Variants in CHN2 observed in about 807,000 individuals in gnomAD.
The protein encoded by CHN2 is beta-chimaerin.
In CHN2, 35 loss-of-function variants were observed where a neutral mutation model predicts 56.3. That is an observed-to-expected ratio of 0.62 (90% CI 0.47 to 0.82). The LOEUF (loss-of-function observed/expected upper bound fraction) is 0.82, where lower values mean the gene tolerates loss of function less well. CHN2 is among the 40% of genes least tolerant of loss of function. The probability of loss-of-function intolerance (pLI) is 0.00; values close to 1 mark genes in which losing one functional copy is unlikely to be tolerated. For missense variants in CHN2, 491 were observed against 580.5 expected, an observed-to-expected ratio of 0.85 and a Z score of 1.58; for synonymous variants, 210 against 212.8, an observed-to-expected ratio of 0.99 and a Z score of 0.12.
chr7:29,179,923 T>C (rs1797850899), intron 2 of CHN2, among the ~76,000 whole-genome samples: 1 of 152,234 alleles, frequency 6.6e-6, no homozygotes, highest in African/African-American at 2.4e-5. Flanking sequence ...TTTGAAAGCA[T>C]TAAGATAACT....
chr7:29,357,973 G>A (rs573645857), intron 2 of CHN2, among the ~76,000 whole-genome samples: 1 of 152,150 alleles, frequency 6.6e-6, no homozygotes, highest in African/African-American at 2.4e-5. Context: ...ATTATATCAT[G>A]TATGGATTCC....
At chr7:29,334,316 G>T (rs1275468239) in intron 1 of CHN2, among the ~76,000 whole-genome samples, 1 of 152,044 alleles carries the variant, frequency 6.6e-6, no homozygotes, top group African/African-American at 2.4e-5. Context: ...CTCCCAAAGT[G>T]CTGGGAGCCT....
At chr7:29,285,529 C>T (rs1310494231) in intron 1 of CHN2, among the ~76,000 whole-genome samples, 1 of 152,218 alleles carries the variant, frequency 6.6e-6, no homozygotes, top group African/African-American at 2.4e-5. Context: ...TATTCTGTTT[C>T]CATGAATGCA....
intron 6 of CHN2, among the ~76,000 whole-genome samples, chr7:29,432,620 AC>A (rs2128115968): frequency 6.6e-6 from 1 of 152,352 alleles, no homozygotes; most frequent in Non-Finnish European, 1.5e-5. Flanking sequence ...ATTAGTAAAT[AC>A]ATATGGAAAT....
At chr7:29,207,940 A>G (rs1324464496) in intron 1 of CHN2, among the ~76,000 whole-genome samples, 1 of 152,210 alleles carries the variant, frequency 6.6e-6, no homozygotes, top group Non-Finnish European at 1.5e-5. Flanking sequence ...ATTTGATCAG[A>G]TCACATGGAA....
chr7:29,473,695 T>C (rs1375866572), intron 6 of CHN2, among the ~76,000 whole-genome samples: 1 of 151,956 alleles, frequency 6.6e-6, no homozygotes, highest in Non-Finnish European at 1.5e-5. Flanking sequence ...TAAGAAGCCC[T>C]CCGGGGGTTC....
chr7:29,178,878 G>T (rs1456209355), intron 2 of CHN2, among the ~76,000 whole-genome samples: 3 of 152,130 alleles, frequency 2.0e-5, no homozygotes, highest in Admixed American at 1.3e-4. Flanking sequence ...ACCAATCAAA[G>T]GTTAACTACT....
At chr7:29,394,333 C>G (rs1167281898) in intron 4 of CHN2, among the ~76,000 whole-genome samples, 1 of 152,182 alleles carries the variant, frequency 6.6e-6, no homozygotes, top group Admixed American at 6.5e-5. Context: ...GTGTGTACAG[C>G]ACAACACAGA....
chr7:29,345,445 G>T (rs974274768), intron 1 of CHN2, among the ~76,000 whole-genome samples: 3 of 152,170 alleles, frequency 2.0e-5, no homozygotes, highest in African/African-American at 4.8e-5. Context: ...TGAGGAGCCA[G>T]AGCATTTACG....
chr7:29,310,591 A>T (rs1794525673), intron 1 of CHN2, among the ~76,000 whole-genome samples: 1 of 152,264 alleles, frequency 6.6e-6, no homozygotes, highest in Non-Finnish European at 1.5e-5. Context: ...TTTAAAAATT[A>T]GATGACTGTC....
intron 1 of CHN2, chr7:29,292,728 T>C: frequency 2.9e-6 from 1 of 339,362 alleles, no homozygotes; most frequent in South Asian, 2.3e-5. Context: ...TTGGTTTTGT[T>C]GTATTGGTTT....
intron 1 of CHN2, among the ~76,000 whole-genome samples, chr7:29,252,149 T>C (rs1444830552): frequency 6.6e-6 from 1 of 151,894 alleles, no homozygotes; most frequent in East Asian, 1.9e-4. Context: ...ATTATGCAAA[T>C]TGGGCATAAT....
intron 6 of CHN2, among the ~76,000 whole-genome samples, chr7:29,471,806 TG>T (rs1237065490): frequency 2.6e-5 from 4 of 152,120 alleles, no homozygotes; most frequent in African/African-American, 9.7e-5. Flanking sequence ...GATGCTTAAA[TG>T]GCCTCAAATA....
intron 1 of CHN2, among the ~76,000 whole-genome samples, chr7:29,324,937 A>G (rs1201405712): frequency 6.6e-6 from 1 of 152,182 alleles, no homozygotes; most frequent in East Asian, 1.9e-4. Flanking sequence ...TTGTAACTCT[A>G]TAATTGTCAA....
chr7:29,323,331 T>C (rs1215695390), intron 1 of CHN2, among the ~76,000 whole-genome samples: 8 of 152,138 alleles, frequency 5.3e-5, no homozygotes, highest in African/African-American at 1.9e-4. Flanking sequence ...GTGTCTTACA[T>C]GATGAGGTTT....
intron 6 of CHN2, among the ~76,000 whole-genome samples, chr7:29,463,631 G>A (rs1785339848): frequency 6.6e-6 from 1 of 152,198 alleles, no homozygotes; most frequent in South Asian, 2.1e-4. Flanking sequence ...AGAAAATAAG[G>A]TGGGTGGATA....
At chr7:29,232,165 G>A (rs866021483) in intron 1 of CHN2, among the ~76,000 whole-genome samples, 3 of 152,130 alleles carry the variant, frequency 2.0e-5, no homozygotes, top group Non-Finnish European at 2.9e-5. Flanking sequence ...AACCTAGGAC[G>A]TTTTATGAGG....
chr7:29,146,843 C>G (rs1226542209), intron 1 of CHN2: 2 of 1,550,946 alleles, frequency 1.3e-6, no homozygotes, highest in African/African-American at 1.4e-5. Context: ...TATTTCTGCA[C>G]TCTAGGACTT....
intron 1 of CHN2, chr7:29,198,011 C>T (rs1783881886): frequency 2.2e-6 from 1 of 456,114 alleles, no homozygotes; most frequent in Non-Finnish European, 4.4e-6. Context: ...TTTTGACTTT[C>T]TTTCTTGGGA....
Sources: gnomAD v4.1 joint callset for allele counts (sites outside exome capture counted in the v4.1 genomes callset) on GRCh38, gnomAD v4.1.1 for gene constraint, MANE v1.5 for transcripts, NCBI Gene and HGNC (gene_info 2026-07-23, HGNC 2026-07-21) for gene names.